Variants in HECW2 observed in about 807,000 individuals in gnomAD.
The protein encoded by HECW2 is E3 ubiquitin-protein ligase HECW2.
Under a neutral mutation model 175.2 loss-of-function variants are expected in HECW2, and 61 were observed. The ratio of observed to expected loss-of-function variants is 0.35; its 90% CI spans 0.28 to 0.43. The LOEUF (loss-of-function observed/expected upper bound fraction) is 0.43, where lower values mean the gene tolerates loss of function less well. Ranked by LOEUF, HECW2 falls within the 20% of genes least tolerant of loss-of-function variation. The pLI, the probability that HECW2 is intolerant of heterozygous loss-of-function variation, is 1.00. For synonymous variants in HECW2, 671 were observed against 731.0 expected, an observed-to-expected ratio of 0.92 and a Z score of 1.32; for missense variants, 1,524 against 2,000.5, an observed-to-expected ratio of 0.76 and a Z score of 4.54.
chr2:196,310,290 C>T (rs2105723522), intron 10 of HECW2, among the ~76,000 whole-genome samples: 1 of 152,264 alleles, frequency 6.6e-6, no homozygotes, highest in East Asian at 1.9e-4. Context: ...TTAAAATTAT[C>T]CCTATCAAAT....
At chr2:196,271,104 GAATA>G in intron 17 of HECW2, 85 bp downstream of exon 17, 1 of 792,992 alleles carries the variant, frequency 1.3e-6, no homozygotes, top group Non-Finnish European at 2.1e-6. Flanking sequence ...CAGAAAGAAA[GAATA>G]AATTTCCAAG....
At chr2:196,315,149 AGTGTGTGTGTGTGTGTGTGT>A (rs58473650) in intron 10 of HECW2, among the ~76,000 whole-genome samples, 2,310 of 144,822 alleles carry the variant, frequency 0.016, 15 homozygotes, top group Non-Finnish European at 0.023. Context: ...CGAGTGTATG[AGTGTGTGTGTGTGTGTGTGT>A]GTGTGTGTGT....
intron 2 of HECW2, among the ~76,000 whole-genome samples, chr2:196,366,992 A>G (rs573340863): frequency 6.6e-6 from 1 of 152,216 alleles, no homozygotes; most frequent in Admixed American, 6.5e-5. Context: ...CTGTGTATAT[A>G]TATGTTGTTT....
At chr2:196,258,507 C>T (rs1689155486) in intron 17 of HECW2, among the ~76,000 whole-genome samples, 1 of 152,150 alleles carries the variant, frequency 6.6e-6, no homozygotes, top group East Asian at 1.9e-4. Flanking sequence ...GTGTGCATAC[C>T]TGTGCAAATG....
Position 196,349,485 on chromosome 2 carries a change from T to C in HECW2, c.293-5721A>G, listed in dbSNP as rs182291888. Among the ~76,000 whole-genome samples, 87 of 152,200 alleles carry C rather than the reference T, an allele frequency of 5.7e-4. 1 individual carries two copies. Among genetic ancestry groups the C allele is most frequent in the African/African-American group, 2.0e-3 (83 of 41,488 alleles). ...CTTCTTCATTCTCTTACAAGTCTAG[T>C]TGGCTACACATTTTCTCTAAATAGA... is the stretch of plus-strand genomic sequence containing the variant. On this transcript the variant is annotated intron_variant, in intron 2 of 28. Transcript: ENST00000644978.
intron 2 of HECW2, among the ~76,000 whole-genome samples, chr2:196,369,417 C>T (rs956384787): frequency 1.3e-5 from 2 of 148,676 alleles, no homozygotes; most frequent in African/African-American, 5.1e-5. Context: ...AGAGGAATGA[C>T]ACATGGACTC....
chr2:196,382,823 T>A (rs533428086), intron 2 of HECW2, among the ~76,000 whole-genome samples: 1 of 152,326 alleles, frequency 6.6e-6, no homozygotes, highest in East Asian at 1.9e-4. Flanking sequence ...TTTAGAAATG[T>A]AACCAGCCTC....
intron 2 of HECW2, among the ~76,000 whole-genome samples, chr2:196,404,449 G>A (rs1367658507): frequency 6.6e-6 from 1 of 152,162 alleles, no homozygotes; most frequent in African/African-American, 2.4e-5. Context: ...AGCCAGGAAG[G>A]TTCAGAGGGT....
chr2:196,560,136 G>T (rs888673624), intron 1 of HECW2, among the ~76,000 whole-genome samples: 1 of 152,132 alleles, frequency 6.6e-6, no homozygotes, highest in African/African-American at 2.4e-5. Context: ...CCCTGATGAT[G>T]TTGCTGCTGC....
chr2:196,225,943 A>T, intron 22 of HECW2, 73 bp from the exon 23 acceptor site: 1 of 931,792 alleles, frequency 1.1e-6, no homozygotes, highest in East Asian at 2.4e-5. Flanking sequence ...GCTTTCTAGA[A>T]TGCCTTCCAG....
rs1015518634 is a variant in HECW2 at position 196,319,043 on chromosome 2, G to A, written c.1847C>T (p.Pro616Leu). 8 of 1,613,590 alleles carry A rather than the reference G, an allele frequency of 5.0e-6. No individual in the cohort carries two copies. The African/African-American group carries it at 9.3e-5, about 19-fold the overall frequency. ...ACTCTCTGTCCTGGCAGGATCACTG[G>A]GTTCTGTTTCAGAGGACACCTGGGA... is the stretch of plus-strand genomic sequence containing the variant. Reference protein sequence around the residue: ...EPSQVSSETEPSDPARTESVS... With the variant: ...EPSQVSSETELSDPARTESVS... The change falls in exon 9 of 29, where the codon CCC becomes CTC. Residue 616 changes from proline to leucine, a missense_variant. Pro to Leu is a moderately conservative substitution (Grantham distance 98). Coordinates refer to ENST00000644978, the MANE Select transcript of HECW2 (RefSeq NM_001348768.2).
Position 196,306,514 on chromosome 2 carries a change from A to G in HECW2, c.2788T>C (p.Phe930Leu), listed in dbSNP as rs1342193981. The G allele has an allele frequency of 3.7e-6, 6 of 1,610,922 alleles. No homozygotes were observed. In the Admixed American group the frequency reaches 1.0e-4, roughly 27 times the overall value. ...PPVKFLISPEFFTVLHSNPSA... is the reference protein window; with the variant it reads ...PPVKFLISPELFTVLHSNPSA... Reference sequence around the variant, plus strand: ...GGGTTAGAATGCAGCACGGTGAAGAACTCTGGGCTGATGAGGAACTTCACG... The same window carrying G: ...GGGTTAGAATGCAGCACGGTGAAGAGCTCTGGGCTGATGAGGAACTTCACG... The change falls in exon 13 of 29, where the codon TTC (phenylalanine) becomes CTC (leucine). Residue 930 changes from phenylalanine to leucine, a missense_variant. Phe to Leu is a conservative substitution (Grantham distance 22). This residue lies in a region of HECW2 where 105 missense variants were observed against 98.1 expected (regional missense o/e 1.07). Coordinates refer to ENST00000644978, the MANE Select transcript of HECW2 (RefSeq NM_001348768.2).
intron 1 of HECW2, among the ~76,000 whole-genome samples, chr2:196,444,208 TTGG>T (rs1250207636): frequency 1.3e-5 from 2 of 152,228 alleles, no homozygotes; most frequent in Non-Finnish European, 2.9e-5. Flanking sequence ...TGTAGTTAAG[TTGG>T]TAAACTATTG....
Position 196,566,052 on chromosome 2 carries a change from G to A in HECW2, c.-36+27456C>T, listed in dbSNP as rs1043216585. Among the ~76,000 whole-genome samples, 6 of 151,744 alleles carry A rather than the reference G, an allele frequency of 4.0e-5. No individual in the cohort carries two copies. In the South Asian group the frequency reaches 6.2e-4, roughly 16 times the overall value. On this transcript the variant is annotated intron_variant, in intron 1 of 28. Coordinates refer to ENST00000644978, the MANE Select transcript of HECW2 (RefSeq NM_001348768.2). ...TAGGCATTTTAGAATTCTCACCGCC[G>A]CATCAAATCCATATGCTAAGAATAT... is the stretch of plus-strand genomic sequence containing the variant.
At chr2:196,368,698 T>C (rs1693822919) in intron 2 of HECW2, among the ~76,000 whole-genome samples, 1 of 152,124 alleles carries the variant, frequency 6.6e-6, no homozygotes, top group South Asian at 2.1e-4. Context: ...CTGTGTGTTT[T>C]CAAATAGCCT....
intron 1 of HECW2, among the ~76,000 whole-genome samples, chr2:196,442,724 A>C (rs1478257102): frequency 2.6e-5 from 4 of 152,220 alleles, no homozygotes; most frequent in Non-Finnish European, 5.9e-5. Flanking sequence ...TGTTAATAAC[A>C]CACATAGAAA....
At chr2:196,538,150 C>T (rs1459263059) in intron 1 of HECW2, among the ~76,000 whole-genome samples, 1 of 152,206 alleles carries the variant, frequency 6.6e-6, no homozygotes, top group Admixed American at 6.5e-5. Context: ...ACAAAGATTG[C>T]TCCCCTGTAA....
intron 2 of HECW2, among the ~76,000 whole-genome samples, chr2:196,404,991 A>AT (rs35158305): frequency 0.92 from 130,802 of 141,638 alleles, 60,714 homozygotes; most frequent in East Asian, 0.99. Flanking sequence ...CTCCCGGCAA[A>AT]TTTTTTTTTT....
At chr2:196,256,393 T>C (rs1482731239) in intron 18 of HECW2, among the ~76,000 whole-genome samples, 1 of 152,206 alleles carries the variant, frequency 6.6e-6, no homozygotes, top group Non-Finnish European at 1.5e-5. Flanking sequence ...TCTGAATTAT[T>C]TGAATTCAAA....
Sources: gnomAD v4.1 joint callset for allele counts (sites outside exome capture counted in the v4.1 genomes callset) on GRCh38, gnomAD v4.1.1 for gene constraint, gnomAD v4.1.1 regional missense constraint, MANE v1.5 for transcripts, NCBI Gene and HGNC (gene_info 2026-07-23, HGNC 2026-07-21) for gene names.